ECPAS: variants seen among roughly 807,000 people sequenced by gnomAD.
The protein encoded by ECPAS is proteasome adapter and scaffold protein ECM29.
A neutral mutation model predicts 255.1 loss-of-function variants in ECPAS; 70 were observed. The observed-to-expected ratio is 0.27, with a 90% CI of 0.23 to 0.33. ECPAS has a LOEUF of 0.33. Ranked by LOEUF, ECPAS falls within the 10% of genes least tolerant of loss-of-function variation. The probability of loss-of-function intolerance (pLI) is 1.00; values close to 1 mark genes in which losing one functional copy is unlikely to be tolerated. For synonymous variants in ECPAS, 784 were observed against 775.0 expected (o/e 1.01, Z -0.19); for missense variants, 1,817 against 2,206.4 (o/e 0.82, Z 3.54).
chr9:111,389,572 A>G lies in ECPAS; in HGVS notation c.3431T>C (p.Val1144Ala), dbSNP rs1195488378. 6.2e-7 allele frequency: 1 copy of G among 1,613,460 alleles called. No homozygotes were observed. The highest frequency in any genetic ancestry group is 1.7e-5 in the Admixed American group (1 of 59,964). ...QAMTSIWNAL[V>A]TDKSMVDKYL... ...GACACTTACCATGGATTTGTCAGTGACCAACGCATTCCAAATACTTGTCAT... is the reference window on the plus strand; with the variant it reads ...GACACTTACCATGGATTTGTCAGTGGCCAACGCATTCCAAATACTTGTCAT... The change falls in exon 31 of 50, where the codon GTC becomes GCC. Residue 1144 changes from valine (V) to alanine (A), a missense_variant. Val to Ala is a moderately conservative substitution (Grantham distance 64). Around this residue, in one of 4 missense-constraint regions of ECPAS, gnomAD observed 960 missense variants for 1,179.0 expected, o/e 0.81. Transcript: ENST00000684092.
chr9:111,448,869 T>C (rs2098256660), intron 3 of ECPAS, among the ~76,000 whole-genome samples: 1 of 152,184 alleles, frequency 6.6e-6, no homozygotes, highest in Admixed American at 6.5e-5. Flanking sequence ...ACATAACTAT[T>C]ACATATAACT....
intron 1 of ECPAS, among the ~76,000 whole-genome samples, chr9:111,478,269 C>A (rs551222570): frequency 3.9e-4 from 59 of 151,704 alleles, no homozygotes; most frequent in Non-Finnish European, 6.3e-4. Context: ...TGGCTCACGC[C>A]TGTAATCCCA....
chr9:111,424,892 G>A (rs906737210), intron 12 of ECPAS, among the ~76,000 whole-genome samples: 1 of 152,194 alleles, frequency 6.6e-6, no homozygotes, highest in African/African-American at 2.4e-5. Context: ...ACAGCAGGCT[G>A]GGCATGGTGG....
intron 25 of ECPAS, 125 bp from the exon 26 acceptor site, chr9:111,394,430 G>T: frequency 2.4e-6 from 2 of 849,530 alleles, no homozygotes; most frequent in Non-Finnish European, 3.3e-6. Flanking sequence ...AATGGCTAAG[G>T]TGTTTAAAGT....
In ECPAS at chr9:111,421,912, C is replaced by T. The variant is rs143207374; in HGVS notation, c.1455+9G>A. The T allele has an allele frequency of 9.3e-6, 15 of 1,612,352 alleles. No individual in the cohort carries two copies. The highest frequency in any genetic ancestry group is 3.3e-5 in the South Asian group (3 of 90,800). Reference sequence around the variant, plus strand: ...TACTACCCAGGCTTTGTAGTTCACACGGACCTACCTTTATTAAGTACGAAG... The same window carrying T: ...TACTACCCAGGCTTTGTAGTTCACATGGACCTACCTTTATTAAGTACGAAG... On this transcript the variant is annotated intron_variant, in intron 15 of 49. Transcript: ENST00000684092.
intron 35 of ECPAS, among the ~76,000 whole-genome samples, chr9:111,379,852 G>GC (rs1564503598): frequency 6.6e-6 from 1 of 152,186 alleles, no homozygotes; most frequent in East Asian, 1.9e-4. Context: ...TCAGGAGATT[G>GC]CAACAATTCA....
At chr9:111,365,041 C>T (rs922552895) in intron 48 of ECPAS, among the ~76,000 whole-genome samples, 3 of 152,076 alleles carry the variant, frequency 2.0e-5, no homozygotes, top group Non-Finnish European at 4.4e-5. Flanking sequence ...GAGGCCAAGG[C>T]GGGCAGATCA....
chr9:111,400,002 C>T (rs552562400), intron 24 of ECPAS, among the ~76,000 whole-genome samples: 5 of 152,368 alleles, frequency 3.3e-5, no homozygotes, highest in African/African-American at 1.2e-4. Context: ...GCTGCTGTGG[C>T]CACAGGAGTG....
At chr9:111,465,270 T>A (rs763634419) in intron 2 of ECPAS, among the ~76,000 whole-genome samples, 1 of 152,102 alleles carries the variant, frequency 6.6e-6, no homozygotes, top group Non-Finnish European at 1.5e-5. Flanking sequence ...CCGGGCACAG[T>A]GGCTCATGCC....
At chr9:111,419,603 T>C (rs1488429045) in intron 16 of ECPAS, among the ~76,000 whole-genome samples, 1 of 151,734 alleles carries the variant, frequency 6.6e-6, no homozygotes, top group Non-Finnish European at 1.5e-5. Flanking sequence ...TATAAAATGA[T>C]ACTCCATATT....
At position 111,383,737 on chromosome 9, in the gene ECPAS, A is replaced by G. The variant is rs2098143540; in HGVS notation, c.3682-405T>C. Reference sequence around the variant, plus strand: ...GGAGTTTGAGACCAGCCTGGGCAACATGAAGAGACCCTGTCTCTACAAAAA... The same window carrying G: ...GGAGTTTGAGACCAGCCTGGGCAACGTGAAGAGACCCTGTCTCTACAAAAA... On this transcript the variant is annotated intron_variant, in intron 34 of 49. Transcript: ENST00000684092. Among the ~76,000 whole-genome samples the G allele has an allele frequency of 2.0e-5, 3 of 152,102 alleles. No individual in the cohort carries two copies. In the South Asian group the frequency reaches 6.2e-4, roughly 32 times the overall value.
intron 37 of ECPAS, 49 bp from the exon 38 acceptor site, chr9:111,375,251 G>A: frequency 1.4e-6 from 2 of 1,420,454 alleles, no homozygotes; most frequent in Non-Finnish European, 2.0e-6. Context: ...AATAAGTCAG[G>A]ACCACATCTT....
intron 49 of ECPAS, among the ~76,000 whole-genome samples, chr9:111,363,082 C>T (rs113985638): frequency 6.6e-6 from 1 of 152,092 alleles, no homozygotes; most frequent in African/African-American, 2.4e-5. Flanking sequence ...GTAACAGATA[C>T]ACCACTGGAG....
At chr9:111,369,205 A>AT in intron 45 of ECPAS, 32 bp from the exon 46 acceptor site, 1 of 1,467,678 alleles carries the variant, frequency 6.8e-7, no homozygotes, top group Non-Finnish European at 9.0e-7. Flanking sequence ...AAAATGTAAT[A>AT]TTTTCTTCTT....
At chr9:111,453,151 G>A (rs760006208) in intron 2 of ECPAS, among the ~76,000 whole-genome samples, 3 of 152,152 alleles carry the variant, frequency 2.0e-5, no homozygotes, top group Non-Finnish European at 4.4e-5. Flanking sequence ...AGAGGCTGAG[G>A]TAGGAGAACT....
At chr9:111,417,699 C>A (rs1038520179) in intron 17 of ECPAS, among the ~76,000 whole-genome samples, 184 bp downstream of exon 17, 1 of 151,880 alleles carries the variant, frequency 6.6e-6, no homozygotes, top group Non-Finnish European at 1.5e-5. Flanking sequence ...TGAGCCAAGA[C>A]CGTGCCATTG....
intron 24 of ECPAS, among the ~76,000 whole-genome samples, chr9:111,407,412 A>AAG: frequency 8.6e-6 from 1 of 116,412 alleles, no homozygotes; most frequent in African/African-American, 3.9e-5. Flanking sequence ...AGAAAAAAAA[A>AAG]AAAAAAAAAA....
intron 29 of ECPAS, 130 bp downstream of exon 29, chr9:111,391,623 TTTC>T (rs2098160355): frequency 1.6e-6 from 1 of 620,208 alleles, no homozygotes; most frequent in Non-Finnish European, 2.8e-6. Context: ...CCATGTAAGT[TTTC>T]TTCTTCCACC....
At chr9:111,419,368 T>C (rs536416610) in intron 16 of ECPAS, among the ~76,000 whole-genome samples, 1 of 152,320 alleles carries the variant, frequency 6.6e-6, no homozygotes, top group African/African-American at 2.4e-5. Flanking sequence ...GAATGCTGCA[T>C]GGATTTTAAG....
Sources: allele counts gnomAD v4.1 joint callset (sites outside exome capture counted in the v4.1 genomes callset), GRCh38; gene constraint gnomAD v4.1.1; regional missense constraint gnomAD v4.1.1; transcripts MANE v1.5; gene names NCBI Gene and HGNC (gene_info 2026-07-23, HGNC 2026-07-21).